The following UGGT2 variants were observed in gnomAD, a reference collection of about 807,000 sequenced individuals.
UGGT2 encodes UDP-glucose:glycoprotein glucosyltransferase 2.
Under a neutral mutation model 192.1 loss-of-function variants are expected in UGGT2, and 180 were observed. The ratio of observed to expected loss-of-function variants is 0.94; its 90% CI spans 0.83 to 1.06. The LOEUF (loss-of-function observed/expected upper bound fraction) is 1.06. Ranked by LOEUF, UGGT2 falls within the 50% of genes least tolerant of loss-of-function variation. The probability of loss-of-function intolerance (pLI) is 0.00; values close to 1 mark genes in which losing one functional copy is unlikely to be tolerated. For synonymous variants in UGGT2, 580 were observed against 591.0 expected (o/e 0.98, Z 0.27); for missense variants, 1,849 against 1,795.7 (o/e 1.03, Z -0.54).
intron 24 of UGGT2, among the ~76,000 whole-genome samples, chr13:95,891,203 T>C (rs1035379141): frequency 2.0e-5 from 3 of 152,110 alleles, no homozygotes; most frequent in Non-Finnish European, 4.4e-5. Flanking sequence ...TAAAAGCCTT[T>C]CAAAGAATGA....
intron 20 of UGGT2, 57 bp from the exon 21 acceptor site, chr13:95,903,117 G>T: frequency 6.6e-7 from 1 of 1,508,194 alleles, no homozygotes; most frequent in South Asian, 1.3e-5. Context: ...TTTTACAGGT[G>T]AATATATTTT....
intron 29 of UGGT2, among the ~76,000 whole-genome samples, chr13:95,871,672 G>A (rs1010988872): frequency 6.6e-6 from 1 of 152,096 alleles, no homozygotes; most frequent in Non-Finnish European, 1.5e-5. Context: ...GAGTTTGTTG[G>A]GCAACTGATG....
At chr13:95,843,282 TG>T (rs1888054680) in intron 36 of UGGT2, among the ~76,000 whole-genome samples, 1 of 152,182 alleles carries the variant, frequency 6.6e-6, no homozygotes, top group South Asian at 2.1e-4. Flanking sequence ...TTTCAACACT[TG>T]GTATGGTCAG....
intron 38 of UGGT2, among the ~76,000 whole-genome samples, chr13:95,820,972 A>G (rs1190435692): frequency 1.3e-5 from 2 of 152,216 alleles, no homozygotes; most frequent in African/African-American, 4.8e-5. Flanking sequence ...GGATATATAT[A>G]CCATGTTTTC....
intron 4 of UGGT2, among the ~76,000 whole-genome samples, chr13:96,017,383 C>T (rs997208220): frequency 4.6e-5 from 7 of 152,194 alleles, no homozygotes; most frequent in Non-Finnish European, 7.3e-5. Flanking sequence ...CATGCTCTCA[C>T]TATGTGACGT....
intron 38 of UGGT2, among the ~76,000 whole-genome samples, chr13:95,813,104 A>C (rs146332615): frequency 3.3e-5 from 5 of 152,268 alleles, no homozygotes; most frequent in African/African-American, 9.6e-5. Context: ...CTAATACAGA[A>C]AATTGGTACC....
chr13:95,907,545 G>A lies in UGGT2; in HGVS notation c.2296-4485C>T, dbSNP rs1272920038. ...TAGGCAGCTGCCCCTCTGGGACAAA[G>A]AGAAGGATCAGGCAGCAATATTTGC... is the stretch of plus-strand genomic sequence containing the variant. On this transcript the variant is annotated intron_variant, in intron 20 of 38. Coordinates refer to ENST00000376747, the MANE Select transcript of UGGT2 (RefSeq NM_020121.4). 2.6e-5 allele frequency among the ~76,000 whole-genome samples: 4 copies of A among 152,168 alleles called. No individual in the cohort carries two copies. In the East Asian group the frequency reaches 7.7e-4, roughly 29 times the overall value.
chr13:96,040,459 T>G (rs1392484014), intron 1 of UGGT2, among the ~76,000 whole-genome samples: 1 of 152,156 alleles, frequency 6.6e-6, no homozygotes, highest in African/African-American at 2.4e-5. Context: ...TCCAAGATGA[T>G]CTCATCTCAA....
intron 38 of UGGT2, among the ~76,000 whole-genome samples, chr13:95,813,011 G>C (rs1471083426): frequency 3.3e-5 from 5 of 152,188 alleles, no homozygotes; most frequent in African/African-American, 1.2e-4. Flanking sequence ...CACCATGCTT[G>C]TACAGCCTGA....
intron 29 of UGGT2, among the ~76,000 whole-genome samples, chr13:95,872,695 T>C (rs1461801992): frequency 6.6e-6 from 1 of 152,190 alleles, no homozygotes; most frequent in Non-Finnish European, 1.5e-5. Context: ...CCAAAAGTTG[T>C]CTGTGAATGA....
intron 16 of UGGT2, among the ~76,000 whole-genome samples, chr13:95,939,232 T>G (rs900945429): frequency 6.6e-6 from 1 of 152,214 alleles, no homozygotes; most frequent in Admixed American, 6.5e-5. Context: ...TTTTTCTGAC[T>G]GGAATGTTAA....
chr13:95,832,664 C>G (rs779819513), intron 38 of UGGT2: 1 of 545,210 alleles, frequency 1.8e-6, no homozygotes, highest in Non-Finnish European at 3.5e-6. Context: ...TTTTTCACCT[C>G]TATGTTGTGT....
intron 27 of UGGT2, among the ~76,000 whole-genome samples, chr13:95,882,460 T>C (rs1446766439): frequency 6.6e-6 from 1 of 152,190 alleles, no homozygotes; most frequent in East Asian, 1.9e-4. Flanking sequence ...TTCCCCTTTA[T>C]CTAAAAATCC....
intron 20 of UGGT2, among the ~76,000 whole-genome samples, chr13:95,904,477 G>A (rs2048215208): frequency 1.6e-5 from 2 of 128,022 alleles, no homozygotes; most frequent in Non-Finnish European, 3.1e-5. Context: ...CCCAGAGTGT[G>A]ATGTTCCCCT....
chr13:95,825,960 C>A (rs902398736), intron 38 of UGGT2, among the ~76,000 whole-genome samples: 3 of 152,142 alleles, frequency 2.0e-5, no homozygotes, highest in African/African-American at 7.2e-5. Flanking sequence ...GTCCAGCCAA[C>A]CTGTAGGGCC....
chr13:95,873,392 G>A (rs1891389524), intron 29 of UGGT2, among the ~76,000 whole-genome samples: 1 of 152,156 alleles, frequency 6.6e-6, no homozygotes, highest in Non-Finnish European at 1.5e-5. Context: ...TTTGTAATGG[G>A]AATGACACAG....
intron 30 of UGGT2, 43 bp downstream of exon 30, chr13:95,867,296 A>C: frequency 7.0e-7 from 1 of 1,435,530 alleles, no homozygotes; most frequent in Non-Finnish European, 9.5e-7. Context: ...GATAATTCTT[A>C]ATATTAAGAA....
At chr13:95,922,525 TAAG>T (rs2048878374) in intron 20 of UGGT2, among the ~76,000 whole-genome samples, 1 of 152,182 alleles carries the variant, frequency 6.6e-6, no homozygotes, top group South Asian at 2.1e-4. Flanking sequence ...TAAATACAAA[TAAG>T]AAGCCATCTT....
At chr13:95,869,062 T>C (rs769943386) in intron 29 of UGGT2, among the ~76,000 whole-genome samples, 2 of 127,052 alleles carry the variant, frequency 1.6e-5, no homozygotes, top group Non-Finnish European at 3.2e-5. Context: ...CAGGCCCCAG[T>C]GTGTGATGTT....
Sources: gnomAD v4.1 joint callset for allele counts (sites outside exome capture counted in the v4.1 genomes callset) on GRCh38, gnomAD v4.1.1 for gene constraint, MANE v1.5 for transcripts, NCBI Gene and HGNC (gene_info 2026-07-23, HGNC 2026-07-21) for gene names.